The following MCTP1 variants were observed in gnomAD, a reference collection of about 807,000 sequenced individuals.
MCTP1 encodes the protein multiple C2 and transmembrane domain containing 1.
Under a neutral mutation model 120.6 loss-of-function variants are expected in MCTP1, and 69 were observed. The observed-to-expected ratio is 0.57, with a 90% confidence interval of 0.47 to 0.70. The LOEUF is 0.70. Among genes scored for constraint, MCTP1 ranks in the 30% least tolerant of loss-of-function variants. The probability of loss-of-function intolerance (pLI) is 0.00; values close to 1 mark genes in which losing one functional copy is unlikely to be tolerated. For synonymous variants in MCTP1, 529 were observed against 493.1 expected (o/e 1.07, Z -0.96); for missense variants, 1,203 against 1,248.8 (o/e 0.96, Z 0.55).
At chr5:95,087,185 C>T (rs563185020) in intron 1 of MCTP1, among the ~76,000 whole-genome samples, 1 of 152,308 alleles carries the variant, frequency 6.6e-6, no homozygotes, top group South Asian at 2.1e-4. Context: ...ATCACTGTAA[C>T]CCTCTAGGAC....
chr5:94,714,888 T>TA lies in MCTP1; in HGVS notation c.2611-3dup. ...TATAAATCCCTTTTTTTCACTGTCC[T>TA]AAAATGCAATAAAAAAGAAATTCTG... On this transcript the variant is annotated splice_polypyrimidine_tract_variant and splice_region_variant and intron_variant, in intron 19 of 22. Transcript: ENST00000515393. The TA allele has an allele frequency of 6.5e-7, 1 of 1,548,814 alleles. No individual in the cohort carries two copies. The highest frequency in any genetic ancestry group is 1.4e-5 in the African/African-American group (1 of 73,578).
At chr5:95,067,827 A>T (rs1254647463) in intron 1 of MCTP1, among the ~76,000 whole-genome samples, 2 of 152,150 alleles carry the variant, frequency 1.3e-5, no homozygotes. Flanking sequence ...TTCCTTTGAC[A>T]ATTTGGAAAT....
intron 19 of MCTP1, among the ~76,000 whole-genome samples, chr5:94,736,802 T>A (rs1379834387): frequency 6.6e-6 from 1 of 152,170 alleles, no homozygotes; most frequent in Non-Finnish European, 1.5e-5. Context: ...AAAAATACAC[T>A]ACGTAGTTGT....
chr5:94,939,691 C>T (rs962760315), intron 5 of MCTP1, among the ~76,000 whole-genome samples: 5 of 151,956 alleles, frequency 3.3e-5, no homozygotes, highest in African/African-American at 9.7e-5. Context: ...ACCTCATTTT[C>T]TCTGTTATGG....
chr5:94,774,913 T>C (rs989015385), intron 19 of MCTP1, among the ~76,000 whole-genome samples: 3 of 152,176 alleles, frequency 2.0e-5, no homozygotes, highest in Non-Finnish European at 2.9e-5. Flanking sequence ...TAAAATCTTC[T>C]CTCATATCAC....
intron 1 of MCTP1, among the ~76,000 whole-genome samples, chr5:95,078,040 A>ATGTATCTG (rs372344560): frequency 1.3e-4 from 2 of 15,310 alleles, no homozygotes; most frequent in South Asian, 1.8e-3. Flanking sequence ...CTATCCATCC[A>ATGTATCTG]TCCATCCATC....
At chr5:95,219,761 C>G (rs1351128479) in intron 1 of MCTP1, among the ~76,000 whole-genome samples, 2 of 152,184 alleles carry the variant, frequency 1.3e-5, no homozygotes, top group Non-Finnish European at 2.9e-5. Flanking sequence ...AATCTGCCAT[C>G]AATTTTATAT....
chr5:95,284,588 G>GCTCCTCCTCTCCCCTCCTCCTC lies in MCTP1; in HGVS notation c.-35_-14dup. 2.1e-6 allele frequency: 3 copies of GCTCCTCCTCTCCCCTCCTCCTC among 1,413,200 alleles called. No individual in the cohort carries two copies. The highest frequency in any genetic ancestry group is 2.6e-4 in the Middle Eastern group (1 of 3,856). The allele number at this position is 1,413,200 out of a possible 1,614,324, so 87.5% of individuals were successfully genotyped here. On this transcript the variant is annotated 5_prime_UTR_variant, in exon 1 of 23. Transcript: ENST00000515393. The surrounding 1 kb of genome is among the most constrained non-coding windows in gnomAD (Gnocchi z 5.2). Reference sequence around the variant, plus strand: ...CCCGGGGCTCCATCCTCCACCCCCTGCTCCTCCTCTCCCCTCCTCCTCCTC... The same window carrying GCTCCTCCTCTCCCCTCCTCCTC: ...CCCGGGGCTCCATCCTCCACCCCCTGCTCCTCCTCTCCCCTCCTCCTCCTCCTCCTCTCCCCTCCTCCTCCTC...
chr5:94,911,196 G>T (rs1808471438), intron 9 of MCTP1, among the ~76,000 whole-genome samples: 1 of 152,194 alleles, frequency 6.6e-6, no homozygotes, highest in African/African-American at 2.4e-5. Flanking sequence ...TGACACTAAG[G>T]TGAATAAATG....
At chr5:95,112,920 ATAGT>A (rs1353043862) in intron 1 of MCTP1, among the ~76,000 whole-genome samples, 10 of 152,330 alleles carry the variant, frequency 6.6e-5, no homozygotes, top group African/African-American at 2.2e-4. Flanking sequence ...AACTGCTTAT[ATAGT>A]TATATACTTT....
chr5:95,124,154 A>C lies in MCTP1; in HGVS notation c.721-106670T>G, dbSNP rs191255184. ...TGACTAAGACCTTTATCCATCCAGC[A>C]GTTACCTACTGTGGTGAAGCTTAGA... On this transcript the variant is annotated intron_variant, in intron 1 of 22. Coordinates refer to ENST00000515393, the MANE Select transcript of MCTP1 (RefSeq NM_024717.7). Among the ~76,000 whole-genome samples, 211 of 152,330 alleles carry C rather than the reference A, an allele frequency of 1.4e-3. 1 individual carries two copies. The highest frequency in any genetic ancestry group is 3.9e-3 in the African/African-American group (161 of 41,576).
chr5:95,118,919 C>G (rs1212555619), intron 1 of MCTP1, among the ~76,000 whole-genome samples: 1 of 152,216 alleles, frequency 6.6e-6, no homozygotes, highest in Non-Finnish European at 1.5e-5. Flanking sequence ...GAGAAATAGA[C>G]TCCAATAAAA....
intron 19 of MCTP1, among the ~76,000 whole-genome samples, chr5:94,733,637 G>GA (rs984928942): frequency 6.6e-5 from 10 of 151,646 alleles, no homozygotes; most frequent in African/African-American, 2.2e-4. Context: ...CACCAACTTG[G>GA]AAAAAACAAA....
At chr5:94,942,519 T>A in intron 3 of MCTP1, 92 bp from the exon 4 acceptor site, 1 of 828,468 alleles carries the variant, frequency 1.2e-6, no homozygotes, top group Non-Finnish European at 1.9e-6. Context: ...TGGTTGTCTA[T>A]GTCACCAAAA....
intron 17 of MCTP1, among the ~76,000 whole-genome samples, chr5:94,844,301 C>CAAAAAAAAAAAAAAAAAAAA (rs59169145): frequency 7.5e-5 from 6 of 79,706 alleles, no homozygotes; most frequent in African/African-American, 1.6e-4. Context: ...GACTCTGTCT[C>CAAAAAAAAAAAAAAAAAAAA]AAAAAAAAAA....
chr5:94,744,856 A>G (rs531678197), intron 19 of MCTP1, among the ~76,000 whole-genome samples: 1 of 152,146 alleles, frequency 6.6e-6, no homozygotes, highest in South Asian at 2.1e-4. Flanking sequence ...ATTTGATACC[A>G]AGACTAAAAC....
chr5:94,900,211 A>G (rs1168314316), intron 10 of MCTP1, among the ~76,000 whole-genome samples: 1 of 152,240 alleles, frequency 6.6e-6, no homozygotes, highest in Non-Finnish European at 1.5e-5. Context: ...GCATGCCCTC[A>G]GCCTGAGATG....
intron 1 of MCTP1, among the ~76,000 whole-genome samples, chr5:95,153,991 C>T (rs1281083514): frequency 6.6e-6 from 1 of 152,068 alleles, no homozygotes; most frequent in Admixed American, 6.5e-5. Context: ...AAAGTCATGC[C>T]CGAAAGAAAT....
At chr5:95,069,955 A>C (rs189333666) in intron 1 of MCTP1, among the ~76,000 whole-genome samples, 1 of 152,140 alleles carries the variant, frequency 6.6e-6, no homozygotes, top group East Asian at 1.9e-4. Flanking sequence ...CACCCACCTC[A>C]GCCTCCCAAA....
Sources: allele counts gnomAD v4.1 joint callset (sites outside exome capture counted in the v4.1 genomes callset), GRCh38; gene constraint gnomAD v4.1.1; non-coding constraint Gnocchi (gnomAD v3.1); transcripts MANE v1.5; gene names NCBI Gene and HGNC (gene_info 2026-07-23, HGNC 2026-07-21).